Variants in RBFOX2 observed in about 807,000 individuals in gnomAD.
RBFOX2 encodes the protein RNA binding fox-1 homolog 2.
A neutral mutation model predicts 49.1 loss-of-function variants in RBFOX2; 10 were observed. The ratio of observed to expected loss-of-function variants is 0.20; its 90% CI spans 0.13 to 0.35. The LOEUF is 0.35. Ranked by LOEUF, RBFOX2 falls within the 10% of genes least tolerant of loss-of-function variation. The pLI, the probability that RBFOX2 is intolerant of heterozygous loss-of-function variation, is 1.00. For missense variants in RBFOX2, 323 were observed against 486.9 expected (o/e 0.66, Z 3.17); for synonymous variants, 183 against 187.4 (o/e 0.98, Z 0.19).
chr22:35,779,329 T>C (rs1042878855), intron 3 of RBFOX2, among the ~76,000 whole-genome samples: 12 of 152,160 alleles, frequency 7.9e-5, no homozygotes, highest in African/African-American at 2.9e-4. Context: ...TCTACTTCAC[T>C]TGGGTTTCAA....
intron 9 of RBFOX2, among the ~76,000 whole-genome samples, chr22:35,754,853 T>C (rs1208212885): frequency 6.6e-6 from 1 of 152,244 alleles, no homozygotes; most frequent in Non-Finnish European, 1.5e-5. Flanking sequence ...CTGAGAAATA[T>C]ATCTGTAAGT....
At chr22:35,898,409 T>G in intron 1 of RBFOX2, 8 of 364,106 alleles carry the variant, frequency 2.2e-5, no homozygotes, top group East Asian at 1.2e-4. Flanking sequence ...CGCCATCTTC[T>G]CCCACAATCC....
rs2048081560 is a variant in RBFOX2, at chr22:35,898,026, G to A, written c.-34+40821C>T. The A allele has an allele frequency of 6.9e-6, 5 of 724,618 alleles. No homozygotes were observed. In the East Asian group the frequency reaches 1.3e-4, roughly 19 times the overall value. 44.9% of individuals were successfully genotyped at this position (724,618 alleles called of 1,614,324 possible). On this transcript the variant is annotated intron_variant, in intron 1 of 13. Transcript: ENST00000359369. The stretch of plus-strand genomic sequence containing the variant: ...CCCAGTCTCGTCCAACAAGATTTAT[G>A]ACCACATTGCTGTGTTCCACTACTC...
At chr22:35,831,941 A>ACT (rs1956880995) in intron 1 of RBFOX2, among the ~76,000 whole-genome samples, 1 of 152,228 alleles carries the variant, frequency 6.6e-6, no homozygotes, top group Non-Finnish European at 1.5e-5. Context: ...GATTCCTGCC[A>ACT]ATCAGCTGAG....
At position 35,937,024 on chromosome 22, in the gene RBFOX2, C is replaced by T. The variant is rs987748766; in HGVS notation, c.-34+1823G>A. Among the ~76,000 whole-genome samples, 4 of 152,168 alleles carry T rather than the reference C, an allele frequency of 2.6e-5. No homozygotes were observed. The South Asian group carries it at 8.3e-4, about 32-fold the overall frequency. On this transcript the variant is annotated intron_variant, in intron 1 of 13. Coordinates refer to the RBFOX2 transcript ENST00000359369. ...AACCACGACCCCTTTATTACATGTCCTAAGTGAAAAGTACAGGATGAAACA... is the reference window on the plus strand; with the variant it reads ...AACCACGACCCCTTTATTACATGTCTTAAGTGAAAAGTACAGGATGAAACA...
At chr22:35,916,506 G>A (rs1034043517) in intron 1 of RBFOX2, among the ~76,000 whole-genome samples, 4 of 152,226 alleles carry the variant, frequency 2.6e-5, no homozygotes, top group East Asian at 3.9e-4. Context: ...GGTCTTGAAC[G>A]CCTAGCCTCA....
intron 1 of RBFOX2, chr22:35,997,362 TC>T (rs1285774821): frequency 1.3e-5 from 2 of 151,752 alleles, no homozygotes; most frequent in African/African-American, 4.9e-5. Flanking sequence ...GCCAACAAAA[TC>T]TCCTCTAACT....
chr22:35,817,261 T>C (rs896089653), intron 1 of RBFOX2, among the ~76,000 whole-genome samples: 2 of 152,016 alleles, frequency 1.3e-5, no homozygotes, highest in Non-Finnish European at 2.9e-5. Context: ...GCAGATCACA[T>C]GAGGTCAGGA....
At chr22:35,828,689 G>A (rs1157092145) in intron 1 of RBFOX2, among the ~76,000 whole-genome samples, 1 of 152,182 alleles carries the variant, frequency 6.6e-6, no homozygotes, top group Non-Finnish European at 1.5e-5. Context: ...AAAGAGTCTT[G>A]CCTCAGTGGC....
chr22:35,989,270 C>A (rs532832801), intron 1 of RBFOX2, among the ~76,000 whole-genome samples: 26 of 152,192 alleles, frequency 1.7e-4, no homozygotes, highest in African/African-American at 5.3e-4. Flanking sequence ...AAGAAAAAGA[C>A]CTAGAATAGA....
At chr22:35,993,924 T>C (rs924580887) in intron 1 of RBFOX2, 4 of 152,052 alleles carry the variant, frequency 2.6e-5, no homozygotes, top group African/African-American at 9.7e-5. Flanking sequence ...GAGGCAAAGG[T>C]TGCAGGGAGC....
At chr22:35,782,361 G>A (rs1353666620) in intron 2 of RBFOX2, among the ~76,000 whole-genome samples, 3 of 152,002 alleles carry the variant, frequency 2.0e-5, no homozygotes, top group East Asian at 3.9e-4. Context: ...TCGCTCTGTC[G>A]CCCAGGCTCG....
intron 1 of RBFOX2, among the ~76,000 whole-genome samples, chr22:35,912,036 A>G (rs1683778198): frequency 6.6e-6 from 1 of 152,112 alleles, no homozygotes; most frequent in Non-Finnish European, 1.5e-5. Context: ...ATTGTACTCA[A>G]CGTAAAGGCC....
In RBFOX2 at chr22:35,901,763, G is replaced by C. The variant is rs575895129; in HGVS notation, c.-34+37084C>G. Among the ~76,000 whole-genome samples, 18 of 152,236 alleles carry C rather than the reference G, an allele frequency of 1.2e-4. 1 individual carries two copies. In the South Asian group the frequency reaches 3.5e-3, roughly 30 times the overall value. On this transcript the variant is annotated intron_variant, in intron 1 of 13. Transcript: ENST00000359369. Reference sequence around the variant, plus strand: ...TTACTCCCAGTTATTAGGAAACCCAGAGCTACCACCCCTAAAACAGAAGAC... The same window carrying C: ...TTACTCCCAGTTATTAGGAAACCCACAGCTACCACCCCTAAAACAGAAGAC...
chr22:35,981,762 T>C (rs1338907527), intron 1 of RBFOX2, among the ~76,000 whole-genome samples: 1 of 152,232 alleles, frequency 6.6e-6, no homozygotes, highest in Non-Finnish European at 1.5e-5. Flanking sequence ...TTTATGGTTT[T>C]ACTGGTTTTC....
intron 1 of RBFOX2, chr22:35,998,558 G>T (rs1004060510): frequency 1.3e-5 from 2 of 152,168 alleles, no homozygotes; most frequent in African/African-American, 4.8e-5. Flanking sequence ...TGTATTTTTG[G>T]TAGAGACGGG....
chr22:35,936,237 CAAAAAAAAAA>C (rs58153258), intron 1 of RBFOX2, among the ~76,000 whole-genome samples: 1 of 64,536 alleles, frequency 1.5e-5, no homozygotes, highest in South Asian at 5.2e-4. Flanking sequence ...CCAACAACAA[CAAAAAAAAAA>C]AAAAAAAAAA....
At chr22:35,869,788 C>T (rs2149176587) in intron 1 of RBFOX2, among the ~76,000 whole-genome samples, 1 of 152,300 alleles carries the variant, frequency 6.6e-6, no homozygotes, top group East Asian at 1.9e-4. Flanking sequence ...GCAGACTTAC[C>T]AAAGTGGAAA....
exon 12 of RBFOX2, chr22:35,740,150 C>G (rs995071668): frequency 5.2e-5 from 8 of 152,428 alleles, no homozygotes; most frequent in Admixed American, 2.0e-4. Flanking sequence ...GACTCTATTA[C>G]ACTCACTAAA....
Sources: gnomAD v4.1 joint callset for allele counts (sites outside exome capture counted in the v4.1 genomes callset) on GRCh38, gnomAD v4.1.1 for gene constraint, MANE v1.5 for transcripts, NCBI Gene and HGNC (gene_info 2026-07-23, HGNC 2026-07-21) for gene names.